APBB2: variants seen among roughly 807,000 people sequenced by gnomAD.
APBB2 encodes amyloid beta precursor protein binding family B member 2, also known as Fe65-like 1.
In APBB2, 38 loss-of-function variants were observed where a neutral mutation model predicts 82.5. The observed-to-expected ratio is 0.46, with a 90% CI of 0.36 to 0.60. APBB2 has a LOEUF of 0.60. Ranked by LOEUF, APBB2 falls within the 20% of genes least tolerant of loss-of-function variation. The pLI is 0.00. For synonymous variants in APBB2, 341 were observed against 368.2 expected (o/e 0.93, Z 0.85); for missense variants, 772 against 972.3 (o/e 0.79, Z 2.74).
intron 3 of APBB2, among the ~76,000 whole-genome samples, chr4:41,086,938 AC>A (rs749778357): frequency 0.04 from 6,130 of 151,562 alleles, 170 homozygotes; most frequent in African/African-American, 0.072. Context: ...ACACACACAC[AC>A]ACACACACAC....
intron 17 of APBB2, 96 bp downstream of exon 17, chr4:40,821,775 T>A: frequency 6.9e-7 from 1 of 1,441,592 alleles, no homozygotes; most frequent in Non-Finnish European, 9.4e-7. Flanking sequence ...GGGATTCGAC[T>A]TTTTTCATTT....
chr4:41,167,891 AGAG>A (rs1394117636), intron 1 of APBB2, among the ~76,000 whole-genome samples: 3 of 152,250 alleles, frequency 2.0e-5, no homozygotes, highest in Non-Finnish European at 4.4e-5. Flanking sequence ...TCCAGCTAGC[AGAG>A]GAGGCCAGAG....
At chr4:40,844,093 G>T (rs1407724712) in intron 12 of APBB2, among the ~76,000 whole-genome samples, 1 of 152,210 alleles carries the variant, frequency 6.6e-6, no homozygotes, top group African/African-American at 2.4e-5. Flanking sequence ...GTGAACTTTT[G>T]TAGGGAAAGA....
chr4:40,972,069 T>G (rs1240580668), intron 6 of APBB2, among the ~76,000 whole-genome samples: 1 of 152,146 alleles, frequency 6.6e-6, no homozygotes, highest in Non-Finnish European at 1.5e-5. Flanking sequence ...AATCCACACT[T>G]AGATAAATTA....
chr4:40,850,268 G>A (rs967341485), intron 12 of APBB2, among the ~76,000 whole-genome samples: 4 of 152,148 alleles, frequency 2.6e-5, no homozygotes, highest in Non-Finnish European at 5.9e-5. Context: ...GGACCACTGT[G>A]CCCGGCTTTG....
At chr4:40,927,493 T>G (rs551947460) in intron 10 of APBB2, among the ~76,000 whole-genome samples, 2 of 152,334 alleles carry the variant, frequency 1.3e-5, no homozygotes, top group African/African-American at 4.8e-5. Context: ...TGCCCCTCTT[T>G]TTTTTAGAGA....
chr4:40,969,279 T>G (rs747644069), intron 6 of APBB2, among the ~76,000 whole-genome samples: 6 of 152,204 alleles, frequency 3.9e-5, no homozygotes, highest in Non-Finnish European at 5.9e-5. Context: ...ACCCTGAAGT[T>G]AAGGACCCTG....
chr4:40,817,342 A>C lies in APBB2; in HGVS notation c.2113-1083T>G, dbSNP rs1411561341. Among the ~76,000 whole-genome samples the C allele has an allele frequency of 2.0e-5, 3 of 152,290 alleles. No homozygotes were observed. In the East Asian group the frequency reaches 5.8e-4, roughly 29 times the overall value. ...AGGATTGCTTCAGACTGGGAGGTCA[A>C]GGCTGCAGTGAGCTGTGAGCATGGC... On this transcript the variant is annotated intron_variant, in intron 17 of 17. Transcript: ENST00000508593.
At chr4:40,918,675 CCTTCCTTCCTTCCTTCTTTCGGACGA>C (rs1264649758) in intron 10 of APBB2, among the ~76,000 whole-genome samples, 2 of 151,360 alleles carry the variant, frequency 1.3e-5, no homozygotes, top group Non-Finnish European at 1.5e-5. Flanking sequence ...CTTTCTTTTT[CCTTCCTTCCTTCCTTCTTTCGGACGA>C]CTTCCTTCCT....
intron 12 of APBB2, among the ~76,000 whole-genome samples, chr4:40,862,414 A>C (rs1425796608): frequency 6.6e-6 from 1 of 152,264 alleles, no homozygotes; most frequent in Non-Finnish European, 1.5e-5. Flanking sequence ...TCCTGAATTG[A>C]GGATAAGGGA....
intron 6 of APBB2, among the ~76,000 whole-genome samples, chr4:40,951,847 T>A (rs762303270): frequency 3.7e-4 from 57 of 152,206 alleles, no homozygotes; most frequent in South Asian, 8.3e-4. Flanking sequence ...AAGAACATGT[T>A]TTCATAGGTC....
At chr4:40,973,619 T>C (rs1399330931) in intron 6 of APBB2, among the ~76,000 whole-genome samples, 2 of 152,136 alleles carry the variant, frequency 1.3e-5, no homozygotes, top group Non-Finnish European at 2.9e-5. Context: ...AAATCTATCG[T>C]TCCATAGTTT....
intron 2 of APBB2, among the ~76,000 whole-genome samples, chr4:41,115,405 G>A (rs1750645206): frequency 6.6e-6 from 1 of 152,154 alleles, no homozygotes; most frequent in African/African-American, 2.4e-5. Flanking sequence ...TCAGGACATA[G>A]GCATGGGCAA....
intron 10 of APBB2, among the ~76,000 whole-genome samples, chr4:40,921,412 T>C (rs1246624887): frequency 1.3e-5 from 2 of 152,230 alleles, no homozygotes; most frequent in Non-Finnish European, 2.9e-5. Flanking sequence ...TGCATGGTGG[T>C]TCTGAGAATC....
At position 40,944,935 on chromosome 4, in the gene APBB2, G is replaced by A; in HGVS notation, c.974C>T (p.Pro325Leu). The stretch of plus-strand genomic sequence containing the variant: ...TTTCCTAGAACCCTGGAGATCTGCT[G>A]GGATGGAGACGGGCCGTTCCCACTG... The part of the protein sequence containing the change: ...TTQWERPVSI[P>L]ADLQGSRKGS... The change falls in exon 7 of 18, where the codon CCA becomes CTA. Residue 325 changes from proline (P) to leucine (L), a missense_variant. By Grantham distance (98) the Pro-to-Leu change is moderately conservative. Transcript: ENST00000508593. The A allele has an allele frequency of 2.5e-6, 4 of 1,613,926 alleles. No homozygotes were observed. Among genetic ancestry groups the A allele is most frequent in the Non-Finnish European group, 2.5e-6 (3 of 1,180,018 alleles).
At chr4:40,902,524 TTTTTTG>T (rs1775608903) in intron 10 of APBB2, among the ~76,000 whole-genome samples, 2 of 151,966 alleles carry the variant, frequency 1.3e-5, no homozygotes, top group African/African-American at 4.8e-5. Context: ...CTGACCCAGG[TTTTTTG>T]TTTTTGTTTT....
intron 10 of APBB2, among the ~76,000 whole-genome samples, chr4:40,917,939 G>A (rs539991184): frequency 2.0e-5 from 3 of 152,268 alleles, no homozygotes; most frequent in South Asian, 4.1e-4. Flanking sequence ...GAGATGAATG[G>A]ACCAGAGACT....
intron 12 of APBB2, among the ~76,000 whole-genome samples, chr4:40,836,253 G>A (rs1028987275): frequency 5.3e-5 from 8 of 152,284 alleles, no homozygotes; most frequent in South Asian, 4.1e-4. Context: ...AAGGCGGGTG[G>A]ATCTCTTCAG....
At chr4:40,821,779 T>G (rs1748030386) in intron 17 of APBB2, 92 bp downstream of exon 17, 1 of 1,462,478 alleles carries the variant, frequency 6.8e-7, no homozygotes, top group African/African-American at 1.4e-5. Flanking sequence ...TTCGACTTTT[T>G]TCATTTCCGT....
Sources: allele counts gnomAD v4.1 joint callset (sites outside exome capture counted in the v4.1 genomes callset), GRCh38; gene constraint gnomAD v4.1.1; transcripts MANE v1.5; gene names NCBI Gene and HGNC (gene_info 2026-07-23, HGNC 2026-07-21).